The following STRN variants were observed in gnomAD, a reference collection of about 807,000 sequenced individuals.
STRN encodes striatin.
In STRN, 53 loss-of-function variants were observed where a neutral mutation model predicts 96.3. That is an observed-to-expected ratio of 0.55 (90% confidence interval 0.44 to 0.69). The LOEUF is 0.69. Among genes scored for constraint, STRN ranks in the 30% least tolerant of loss-of-function variants. STRN has a pLI of 0.00. For synonymous variants in STRN, 428 were observed against 355.9 expected (o/e 1.20, Z -2.28); for missense variants, 987 against 963.9 (o/e 1.02, Z -0.32).
chr2:36,918,453 A>G (rs1670168085), intron 2 of STRN, among the ~76,000 whole-genome samples: 1 of 151,866 alleles, frequency 6.6e-6, no homozygotes, highest in African/African-American at 2.4e-5. Context: ...TGGAGTTTAT[A>G]TTTTTTATAT....
chr2:36,917,511 G>A (rs773282898), intron 2 of STRN, among the ~76,000 whole-genome samples: 5 of 135,818 alleles, frequency 3.7e-5, no homozygotes, highest in Admixed American at 7.9e-5. Context: ...GTGACACAGT[G>A]AGACCCTGTC....
intron 1 of STRN, among the ~76,000 whole-genome samples, chr2:36,926,876 T>C (rs1380269708): frequency 3.3e-5 from 5 of 152,164 alleles, no homozygotes; most frequent in Admixed American, 3.3e-4. Context: ...TAATGACACA[T>C]GCATTTAAAG....
chr2:36,876,097 T>C (rs897171980), intron 10 of STRN, among the ~76,000 whole-genome samples: 3 of 152,070 alleles, frequency 2.0e-5, no homozygotes, highest in African/African-American at 7.2e-5. Context: ...GGCGAAAGCC[T>C]GTCTCTACCA....
intron 13 of STRN, among the ~76,000 whole-genome samples, chr2:36,860,657 G>A (rs983541505): frequency 6.6e-6 from 1 of 152,040 alleles, no homozygotes; most frequent in Non-Finnish European, 1.5e-5. Flanking sequence ...AAAACTAAAG[G>A]GTACTTCTTA....
At chr2:36,964,993 C>G (rs1462275115) in intron 1 of STRN, among the ~76,000 whole-genome samples, 4 of 152,230 alleles carry the variant, frequency 2.6e-5, no homozygotes, top group African/African-American at 9.6e-5. Context: ...TAGCAACAAA[C>G]ACAGCCCTTA....
intron 2 of STRN, among the ~76,000 whole-genome samples, chr2:36,918,308 T>C (rs1309570423): frequency 6.6e-6 from 1 of 152,128 alleles, no homozygotes; most frequent in Non-Finnish European, 1.5e-5. Context: ...ATCTCTTATT[T>C]TTCCAGAAAC....
At chr2:36,923,455 A>C (rs1670316385) in intron 2 of STRN, among the ~76,000 whole-genome samples, 2 of 151,954 alleles carry the variant, frequency 1.3e-5, no homozygotes. Context: ...CAAAAAAAAA[A>C]AAAAAAAAAC....
At chr2:36,911,996 A>C (rs1333840664) in intron 3 of STRN, among the ~76,000 whole-genome samples, 1 of 152,122 alleles carries the variant, frequency 6.6e-6, no homozygotes, top group African/African-American at 2.4e-5. Context: ...CTCATATATA[A>C]AGCTATCACT....
At position 36,883,993 on chromosome 2, in the gene STRN, AC is replaced by A. The variant is rs1669145915; in HGVS notation, c.1124del (p.Gly375ValfsTer25). The A allele has an allele frequency of 6.9e-7, 1 of 1,446,304 alleles. No individual in the cohort carries two copies. Among genetic ancestry groups the A allele is most frequent in the South Asian group, 1.7e-5 (1 of 57,182 alleles). The allele number at this position is 1,446,304 out of a possible 1,614,324, so 89.6% of individuals were successfully genotyped here. A position where few individuals can be genotyped will look rare whatever the true frequency, so the allele number is the denominator to read the frequency against. On this transcript the variant is annotated frameshift_variant, in exon 9 of 18. Coordinates refer to ENST00000263918, the MANE Select transcript of STRN (RefSeq NM_003162.4). LOFTEE classifies it high-confidence loss of function. ...DELPSLQPSV[G>X]SPSRPSSSRL... ...TGGAGCTGCTGGGTCTGGAAGGTGAACCCACAGATGGCTGCAATGAAGGAAG... is the reference window on the plus strand; with the variant it reads ...TGGAGCTGCTGGGTCTGGAAGGTGAACCACAGATGGCTGCAATGAAGGAAG...
intron 7 of STRN, 122 bp from the exon 8 acceptor site, chr2:36,886,948 G>C: frequency 1.5e-6 from 1 of 653,120 alleles, no homozygotes; most frequent in South Asian, 2.7e-5. Flanking sequence ...AAAAAAGTCA[G>C]TTTATTCATT....
chr2:36,902,844 C>T, intron 4 of STRN, 93 bp from the exon 5 acceptor site: 5 of 1,060,276 alleles, frequency 4.7e-6, no homozygotes, highest in Non-Finnish European at 4.0e-6. Flanking sequence ...AACTCATTGC[C>T]TGCATAAGAC....
intron 4 of STRN, among the ~76,000 whole-genome samples, chr2:36,903,870 A>G (rs1211970592): frequency 2.0e-5 from 3 of 152,220 alleles, no homozygotes; most frequent in East Asian, 1.9e-4. Flanking sequence ...TAAAGATGTT[A>G]TATTTTTCCA....
At chr2:36,893,875 T>C (rs1558641174) in intron 7 of STRN, 23 bp downstream of exon 7, 1 of 1,580,788 alleles carries the variant, frequency 6.3e-7, no homozygotes, top group Non-Finnish European at 8.5e-7. Flanking sequence ...ACATCTCTGG[T>C]TGGATCCAGT....
At chr2:36,912,282 C>G (rs1303146947) in intron 3 of STRN, among the ~76,000 whole-genome samples, 2 of 152,160 alleles carry the variant, frequency 1.3e-5, no homozygotes, top group African/African-American at 4.8e-5. Flanking sequence ...TTTCCTTGAC[C>G]CCATGTGTCC....
chr2:36,861,273 A>G lies in STRN; in HGVS notation c.1548-20T>C. 1.2e-6 allele frequency: 2 copies of G among 1,607,034 alleles called. No homozygotes were observed. The highest frequency in any genetic ancestry group is 1.7e-6 in the Non-Finnish European group (2 of 1,178,072). On this transcript the variant is annotated intron_variant, in intron 12 of 17. Transcript: ENST00000263918. ...GGACCTCTGGGAGATTAAAAAAAATAAATCAACTGCTATTCTCAAAAACCA... is the reference window on the plus strand; with the variant it reads ...GGACCTCTGGGAGATTAAAAAAAATGAATCAACTGCTATTCTCAAAAACCA...
chr2:36,892,628 A>G (rs1391179892), intron 7 of STRN, among the ~76,000 whole-genome samples: 1 of 152,244 alleles, frequency 6.6e-6, no homozygotes, highest in Non-Finnish European at 1.5e-5. Flanking sequence ...TAAAATTCAT[A>G]TGGAGAATTC....
At chr2:36,863,007 G>A (rs1276464947) in intron 12 of STRN, among the ~76,000 whole-genome samples, 2 of 152,130 alleles carry the variant, frequency 1.3e-5, no homozygotes, top group Non-Finnish European at 2.9e-5. Context: ...ATAAGCGTGA[G>A]CCACCGCACC....
chr2:36,851,501 A>G (rs1479318067), intron 15 of STRN, among the ~76,000 whole-genome samples: 1 of 152,182 alleles, frequency 6.6e-6, no homozygotes, highest in Non-Finnish European at 1.5e-5. Context: ...AAAAGAAAAA[A>G]GAAAAAGAAA....
At chr2:36,941,856 T>A (rs747454596) in intron 1 of STRN, among the ~76,000 whole-genome samples, 31 of 152,088 alleles carry the variant, frequency 2.0e-4, no homozygotes, top group Admixed American at 3.3e-4. Flanking sequence ...CCCAGCCCTA[T>A]TATTTTTATA....
Sources: gnomAD v4.1 joint callset for allele counts (sites outside exome capture counted in the v4.1 genomes callset) on GRCh38, gnomAD v4.1.1 for gene constraint, MANE v1.5 for transcripts, NCBI Gene and HGNC (gene_info 2026-07-23, HGNC 2026-07-21) for gene names.